The following NAV1 variants were observed in gnomAD, a reference collection of about 807,000 sequenced individuals.
NAV1 encodes pore membrane and/or filament interacting like protein 3.
In NAV1, 18 loss-of-function variants were observed where a neutral mutation model predicts 175.2. That is an observed-to-expected ratio of 0.10 (90% CI 0.07 to 0.15). NAV1 has a LOEUF of 0.15. NAV1 is among the 10% of genes least tolerant of loss of function. The pLI is 1.00. For synonymous variants in NAV1, 897 were observed against 978.7 expected, an observed-to-expected ratio of 0.92 and a Z score of 1.56; for missense variants, 1,731 against 2,436.6, an observed-to-expected ratio of 0.71 and a Z score of 6.10.
chr1:201,677,625 TTTTGTTTG>T (rs537842893), intron 1 of NAV1, among the ~76,000 whole-genome samples: 1 of 152,174 alleles, frequency 6.6e-6, no homozygotes, highest in East Asian at 1.9e-4. Flanking sequence ...TCACCATCTT[TTTTGTTTG>T]TTTGTTTGTT....
intron 2 of NAV1, among the ~76,000 whole-genome samples, chr1:201,606,004 G>T (rs1424901225): frequency 6.6e-6 from 1 of 152,236 alleles, no homozygotes; most frequent in Admixed American, 6.5e-5. Flanking sequence ...TCCAGACCAT[G>T]TTAGATTTCC....
intron 14 of NAV1, 36 bp from the exon 19 acceptor site, chr1:201,794,430 C>G: frequency 6.3e-7 from 1 of 1,586,984 alleles, no homozygotes; most frequent in Non-Finnish European, 8.6e-7. Context: ...TGTGAGCCAC[C>G]GTGCCCAGCC....
chr1:201,732,892 G>A (rs745476564), intron 3 of NAV1, among the ~76,000 whole-genome samples: 3 of 151,986 alleles, frequency 2.0e-5, no homozygotes, highest in Admixed American at 6.6e-5. Context: ...CCAACATGGC[G>A]GAACCCTGTG....
At chr1:201,809,474 T>C (rs1280101605) in exon 22 of NAV1, 1 of 1,614,140 alleles carries the variant, frequency 6.2e-7, no homozygotes, top group Admixed American at 1.7e-5. Context: ...TCCTGGGCTG[T>C]AGCAAGGTCA....
At chr1:201,699,627 T>C (rs1360682231) in intron 1 of NAV1, among the ~76,000 whole-genome samples, 1 of 152,156 alleles carries the variant, frequency 6.6e-6, no homozygotes, top group Non-Finnish European at 1.5e-5. Context: ...GAGCCCACAT[T>C]GCCAAGACAA....
rs372603318 is a variant in NAV1 at position 201,718,976 on chromosome 1, C to G, written c.1226+221C>G. On this transcript the variant is annotated intron_variant, in intron 3 of 29. Transcript: ENST00000367296. This position sits in a 1 kb window ranked among gnomAD's most constrained non-coding sequence, Gnocchi z 4.8. ...GTAGGCAGGGCCTACATCCAAGGAG[C>G]TGATTGGTCAATGAAGGCGCCTCCC... Among the ~76,000 whole-genome samples the G allele has an allele frequency of 6.6e-6, 1 of 151,884 alleles. No homozygotes were observed.
At chr1:201,698,110 CT>C (rs1300456579) in intron 1 of NAV1, among the ~76,000 whole-genome samples, 1 of 152,230 alleles carries the variant, frequency 6.6e-6, no homozygotes, top group Non-Finnish European at 1.5e-5. Context: ...TCCTTCCTCT[CT>C]TGTGGCTCAG....
chr1:201,754,435 C>G (rs939551957), intron 3 of NAV1, among the ~76,000 whole-genome samples: 2 of 152,080 alleles, frequency 1.3e-5, no homozygotes, highest in Non-Finnish European at 2.9e-5. Context: ...TTAAATGCAA[C>G]GCAGAAGTCA....
At chr1:201,595,509 G>A (rs760226822) in intron 2 of NAV1, among the ~76,000 whole-genome samples, 19 of 152,212 alleles carry the variant, frequency 1.2e-4, no homozygotes, top group Non-Finnish European at 2.4e-4. Flanking sequence ...GCCAAGGGGC[G>A]CCGAGTCTGT....
intron 1 of NAV1, among the ~76,000 whole-genome samples, chr1:201,554,712 A>AACTCATTTAACCTGTCTC (rs1014512616): frequency 6.6e-6 from 1 of 152,214 alleles, no homozygotes; most frequent in African/African-American, 2.4e-5. Context: ...TAACCTGGGT[A>AACTCATTTAACCTGTCTC]ACTCATTTAA....
At chr1:201,682,166 A>G (rs1367962271) in intron 1 of NAV1, among the ~76,000 whole-genome samples, 1 of 151,604 alleles carries the variant, frequency 6.6e-6, no homozygotes, top group East Asian at 1.9e-4. Flanking sequence ...CATGCCTGTA[A>G]TCCCAGCTAC....
At chr1:201,549,153 T>C (rs1014085760) in intron 1 of NAV1, among the ~76,000 whole-genome samples, 10 of 150,136 alleles carry the variant, frequency 6.7e-5, no homozygotes, top group African/African-American at 2.2e-4. Flanking sequence ...CTTCTTTCTC[T>C]CTCTCTCTTT....
At chr1:201,715,974 G>C (rs1374163671) in intron 2 of NAV1, among the ~76,000 whole-genome samples, 1 of 152,106 alleles carries the variant, frequency 6.6e-6, no homozygotes, top group South Asian at 2.1e-4. Context: ...CCCTCACCAA[G>C]CTTAAGTCTA....
intron 2 of NAV1, among the ~76,000 whole-genome samples, chr1:201,611,291 G>A (rs116131210): frequency 0.014 from 2,161 of 152,342 alleles, 56 homozygotes; most frequent in African/African-American, 0.049. Context: ...ACAGGCAAGA[G>A]CTTGGGGAAG....
intron 1 of NAV1, among the ~76,000 whole-genome samples, chr1:201,669,872 T>G (rs528459788): frequency 6.6e-6 from 1 of 152,192 alleles, no homozygotes; most frequent in African/African-American, 2.4e-5. Context: ...GTGGGCCTGG[T>G]GCACTGTGTT....
intron 1 of NAV1, among the ~76,000 whole-genome samples, chr1:201,657,052 C>T (rs1669433185): frequency 6.6e-6 from 1 of 152,190 alleles, no homozygotes; most frequent in South Asian, 2.1e-4. Context: ...CCAACATCCC[C>T]AGACTGAGGC....
chr1:201,642,281 C>T (rs560273735), intron 2 of NAV1, among the ~76,000 whole-genome samples: 5 of 151,108 alleles, frequency 3.3e-5, no homozygotes, highest in Admixed American at 1.3e-4. Context: ...GGCGCGATCT[C>T]GGCTCACTGC....
At chr1:201,763,369 A>C (rs1399893610) in intron 3 of NAV1, among the ~76,000 whole-genome samples, 1 of 152,182 alleles carries the variant, frequency 6.6e-6, no homozygotes, top group Non-Finnish European at 1.5e-5. Context: ...ATTTGATGGT[A>C]TCCCTGAGAA....
chr1:201,657,984 G>T (rs1185018537), intron 1 of NAV1, among the ~76,000 whole-genome samples: 1 of 152,116 alleles, frequency 6.6e-6, no homozygotes, highest in Non-Finnish European at 1.5e-5. Context: ...AGTGATCTGA[G>T]ATCACGCCAC....
Sources: allele counts gnomAD v4.1 joint callset (sites outside exome capture counted in the v4.1 genomes callset), GRCh38; gene constraint gnomAD v4.1.1; non-coding constraint Gnocchi (gnomAD v3.1); transcripts MANE v1.5; gene names NCBI Gene and HGNC (gene_info 2026-07-23, HGNC 2026-07-21).